The following IL23R variants were observed in gnomAD, a reference collection of about 807,000 sequenced individuals.
IL23R encodes the protein interleukin 23 receptor.
A neutral mutation model predicts 56.9 loss-of-function variants in IL23R; 34 were observed. The observed-to-expected ratio is 0.60, with a 90% confidence interval of 0.45 to 0.80. The LOEUF (loss-of-function observed/expected upper bound fraction) is 0.80, where lower values mean the gene tolerates loss of function less well. IL23R is among the 30% of genes least tolerant of loss of function. IL23R has a pLI of 0.00. For synonymous variants in IL23R, 230 were observed against 249.2 expected (o/e 0.92, Z 0.73); for missense variants, 635 against 730.0 (o/e 0.87, Z 1.50).
chr1:67,228,102 CTTT>C (rs1650828392), intron 7 of IL23R, among the ~76,000 whole-genome samples: 1 of 51,072 alleles, frequency 2.0e-5, no homozygotes, highest in Non-Finnish European at 4.5e-5. Flanking sequence ...TTCTTTCTTT[CTTT>C]CTCTCTCTTT....
chr1:67,228,082 TTTTC>T (rs138042502), intron 7 of IL23R, among the ~76,000 whole-genome samples: 38,542 of 85,478 alleles, frequency 0.45, 13,207 homozygotes, highest in East Asian at 0.91. Flanking sequence ...TCTTTCTTTC[TTTTC>T]TTTCTTTCTT....
chr1:67,165,969 A>G (rs534025734), upstream of IL23R, among the ~76,000 whole-genome samples: 3 of 152,364 alleles, frequency 2.0e-5, no homozygotes, highest in South Asian at 6.2e-4. Flanking sequence ...TCTGCAAAAT[A>G]AAGAGTAACT....
At chr1:67,151,788 C>T (rs899000551) in intron 1 of IL23R, among the ~76,000 whole-genome samples, 2 of 152,124 alleles carry the variant, frequency 1.3e-5, no homozygotes, top group African/African-American at 4.8e-5. Context: ...TCTGAGGTCT[C>T]TGTTCTGTTG....
chr1:67,210,025 CT>C (rs1269089582), intron 6 of IL23R, among the ~76,000 whole-genome samples: 2 of 152,120 alleles, frequency 1.3e-5, no homozygotes, highest in African/African-American at 4.8e-5. Context: ...GAAAGGAGAA[CT>C]AAGATGTATG....
rs192173023 is a variant in IL23R, at chr1:67,179,598, T to C, written c.368-3238T>C. On this transcript the variant is annotated intron_variant, in intron 3 of 10. Coordinates refer to ENST00000347310, the MANE Select transcript of IL23R (RefSeq NM_144701.3). Reference sequence around the variant, plus strand: ...CTGGATTCATTGATTTTTTGAAGGGTTTTTTGTGTCTCTATTTCCTTCAGT... The same window carrying C: ...CTGGATTCATTGATTTTTTGAAGGGCTTTTTGTGTCTCTATTTCCTTCAGT... 2.6e-5 allele frequency among the ~76,000 whole-genome samples: 4 copies of C among 152,212 alleles called. No individual in the cohort carries two copies. The East Asian group carries it at 5.8e-4, about 22-fold the overall frequency.
At chr1:67,184,572 TAA>T (rs1647225980) in intron 4 of IL23R, among the ~76,000 whole-genome samples, 1 of 2,200 alleles carries the variant, frequency 4.5e-4, no homozygotes, top group Non-Finnish European at 9.3e-4. Flanking sequence ...ATAAAATAAA[TAA>T]AATAAAATAA....
At chr1:67,197,668 G>A (rs1268866291) in intron 4 of IL23R, among the ~76,000 whole-genome samples, 2 of 152,196 alleles carry the variant, frequency 1.3e-5, no homozygotes, top group Non-Finnish European at 2.9e-5. Context: ...ATCTAGACCA[G>A]GTGTGGTGGC....
intron 3 of IL23R, among the ~76,000 whole-genome samples, chr1:67,179,441 T>A (rs1431590947): frequency 6.6e-6 from 1 of 152,228 alleles, no homozygotes; most frequent in African/African-American, 2.4e-5. Flanking sequence ...GTAGTTTGTA[T>A]TTCTGTGGGA....
intron 9 of IL23R, among the ~76,000 whole-genome samples, chr1:67,251,451 C>CAAAA (rs34047151): frequency 7.8e-6 from 1 of 127,854 alleles, no homozygotes; most frequent in African/African-American, 2.9e-5. Context: ...GACTCTGTCT[C>CAAAA]AAAAAAAAAA....
intron 1 of IL23R, among the ~76,000 whole-genome samples, chr1:67,141,210 C>T (rs1012288730): frequency 8.5e-5 from 13 of 152,134 alleles, no homozygotes; most frequent in South Asian, 2.1e-4. Flanking sequence ...TGTAATAAAA[C>T]ATCCTCAAAA....
chr1:67,187,647 G>T (rs983019723), intron 4 of IL23R, among the ~76,000 whole-genome samples: 4 of 152,216 alleles, frequency 2.6e-5, no homozygotes, highest in Non-Finnish European at 4.4e-5. Context: ...TATTAAGAAT[G>T]AGTTTACTAA....
At chr1:67,207,851 T>G (rs1037240675) in intron 6 of IL23R, among the ~76,000 whole-genome samples, 1 of 152,166 alleles carries the variant, frequency 6.6e-6, no homozygotes, top group Non-Finnish European at 1.5e-5. Context: ...AACTGGGTAA[T>G]AGGCAGAAAT....
intron 2 of IL23R, 52 bp from the exon 3 acceptor site, chr1:67,169,290 C>A (rs1201533721): frequency 1.5e-6 from 2 of 1,339,776 alleles, no homozygotes; most frequent in Non-Finnish European, 2.1e-6. Context: ...TCTTCTGAAT[C>A]TCTTGATTTA....
downstream of IL23R, among the ~76,000 whole-genome samples, chr1:67,261,696 C>T (rs1653209060): frequency 1.3e-5 from 2 of 152,198 alleles, no homozygotes; most frequent in Admixed American, 1.3e-4. Flanking sequence ...TAAGATAAAT[C>T]TTTGATGTTT....
At chr1:67,256,998 G>A (rs528255382) in intron 10 of IL23R, among the ~76,000 whole-genome samples, 115 of 152,248 alleles carry the variant, frequency 7.6e-4, no homozygotes, top group Middle Eastern at 6.8e-3. Flanking sequence ...CACTCCTCAC[G>A]TCAAGATTTT....
chr1:67,208,318 C>T (rs902015604), intron 6 of IL23R, among the ~76,000 whole-genome samples: 15 of 152,176 alleles, frequency 9.9e-5, no homozygotes, highest in Admixed American at 7.2e-4. Flanking sequence ...GCACAAGTAG[C>T]AAGGAGCCTA....
chr1:67,149,719 A>G (rs1159122127), intron 1 of IL23R, among the ~76,000 whole-genome samples: 2 of 152,170 alleles, frequency 1.3e-5, no homozygotes, highest in Non-Finnish European at 2.9e-5. Flanking sequence ...ATCATTTCCC[A>G]TAATTTGACT....
chr1:67,194,868 A>G (rs1648018178), intron 4 of IL23R, among the ~76,000 whole-genome samples: 1 of 152,220 alleles, frequency 6.6e-6, no homozygotes, highest in South Asian at 2.1e-4. Context: ...TTTACGTTTC[A>G]TCTTATTTCA....
At chr1:67,199,365 A>C (rs1648433775) in intron 4 of IL23R, among the ~76,000 whole-genome samples, 2 of 151,434 alleles carry the variant, frequency 1.3e-5, no homozygotes, top group Non-Finnish European at 2.9e-5. Context: ...CCCCATCCTG[A>C]CTCCTCCCCA....
Sources: gnomAD v4.1 joint callset for allele counts (sites outside exome capture counted in the v4.1 genomes callset) on GRCh38, gnomAD v4.1.1 for gene constraint, MANE v1.5 for transcripts, NCBI Gene and HGNC (gene_info 2026-07-23, HGNC 2026-07-21) for gene names.